DHRSX: variants seen among roughly 807,000 people sequenced by gnomAD.
The protein encoded by DHRSX is polyprenol dehydrogenase.
A neutral mutation model predicts 34.0 loss-of-function variants in DHRSX; 31 were observed. That is an observed-to-expected ratio of 0.91 (90% CI 0.69 to 1.23). The LOEUF is 1.23. DHRSX is among the 50% of genes most tolerant of loss of function. The pLI, the probability that DHRSX is intolerant of heterozygous loss-of-function variation, is 0.00. For missense variants in DHRSX, 414 were observed against 428.1 expected, an observed-to-expected ratio of 0.97 and a Z score of 0.29; for synonymous variants, 201 against 183.8, an observed-to-expected ratio of 1.09 and a Z score of -0.76.
intron 1 of DHRSX, among the ~76,000 whole-genome samples, chrX:2,493,911 G>A (rs2045220495): frequency 6.6e-6 from 1 of 152,156 alleles, no homozygotes; most frequent in Non-Finnish European, 1.5e-5. Flanking sequence ...AGCAGAGGTT[G>A]CAGTGAGCCG....
At chrX:2,307,802 A>C (rs2042117908) in intron 3 of DHRSX, among the ~76,000 whole-genome samples, 1 of 144,384 alleles carries the variant, frequency 6.9e-6, no homozygotes. Flanking sequence ...AAAAAATAAA[A>C]TAAAAAACAA....
At chrX:2,333,635 G>A (rs1161069188) in intron 3 of DHRSX, among the ~76,000 whole-genome samples, 4 of 151,942 alleles carry the variant, frequency 2.6e-5, no homozygotes, top group Admixed American at 6.6e-5. Flanking sequence ...GGCTGGTCTC[G>A]AACTCCTGAC....
chrX:2,245,672 C>G (rs191299303), intron 5 of DHRSX, among the ~76,000 whole-genome samples: 4 of 149,390 alleles, frequency 2.7e-5, no homozygotes, highest in African/African-American at 9.8e-5. Context: ...TAAAACCAAG[C>G]TATGGCCAGA....
At chrX:2,490,900 G>A in intron 1 of DHRSX, 1 of 788,016 alleles carries the variant, frequency 1.3e-6, no homozygotes, top group Non-Finnish European at 2.0e-6. Context: ...CCGGACGGCT[G>A]GACCTTCCTT....
intron 3 of DHRSX, among the ~76,000 whole-genome samples, chrX:2,298,939 C>T (rs994315666): frequency 2.2e-5 from 3 of 136,892 alleles, no homozygotes; most frequent in Non-Finnish European, 4.5e-5. Context: ...GAGCCGAGCT[C>T]GTGCCATTGC....
intron 5 of DHRSX, among the ~76,000 whole-genome samples, chrX:2,248,917 TG>T (rs1281736280): frequency 2.0e-5 from 3 of 152,230 alleles, no homozygotes; most frequent in African/African-American, 7.2e-5. Flanking sequence ...CCTGCATCTT[TG>T]GGTCTTCCCT....
At chrX:2,243,799 T>TTTTGTTTTG (rs1569478877) in intron 5 of DHRSX, among the ~76,000 whole-genome samples, 26 of 23,326 alleles carry the variant, frequency 1.1e-3, no homozygotes, top group African/African-American at 1.7e-3. Context: ...TTTTTTTTTT[T>TTTTGTTTTG]TTTTTTTTTT....
At chrX:2,254,641 GT>G (rs940091948) in intron 5 of DHRSX, among the ~76,000 whole-genome samples, 5 of 151,680 alleles carry the variant, frequency 3.3e-5, no homozygotes, top group Non-Finnish European at 7.4e-5. Context: ...ATAAAGAGAG[GT>G]TTTTTTTGTT....
rs372738137 is a variant in DHRSX, at chrX:2,236,715, A to T, written c.804+6308T>A. On this transcript the variant is annotated intron_variant, in intron 6 of 6. Transcript: ENST00000334651. ...CCAAAGTGCTGGGATGACAGGTGTG[A>T]GCCACTGCGCCCGGCCACCTGGAGC... Among the ~76,000 whole-genome samples the T allele has an allele frequency of 3.5e-3, 540 of 152,162 alleles. 3 individuals are homozygous for T. The highest frequency in any genetic ancestry group is 0.013 in the African/African-American group (521 of 41,542).
intron 3 of DHRSX, among the ~76,000 whole-genome samples, chrX:2,387,906 A>G (rs112698194): frequency 7.0e-6 from 1 of 143,210 alleles, no homozygotes; most frequent in South Asian, 2.4e-4. Flanking sequence ...CTCCCCTGCA[A>G]AAAAAAAAAA....
At chrX:2,341,389 A>G (rs1212360103) in intron 3 of DHRSX, among the ~76,000 whole-genome samples, 1 of 152,060 alleles carries the variant, frequency 6.6e-6, no homozygotes, top group Non-Finnish European at 1.5e-5. Flanking sequence ...TCTAGGGAAG[A>G]ATTCTTCCTG....
intron 3 of DHRSX, among the ~76,000 whole-genome samples, chrX:2,309,548 A>T (rs919684979): frequency 6.6e-6 from 1 of 152,218 alleles, no homozygotes; most frequent in African/African-American, 2.4e-5. Context: ...AATAAATGTG[A>T]TAAGTGTGTC....
At chrX:2,241,021 T>G in intron 6 of DHRSX, among the ~76,000 whole-genome samples, 1 of 152,060 alleles carries the variant, frequency 6.6e-6, no homozygotes, top group African/African-American at 2.4e-5. Flanking sequence ...CTGTCTTTAC[T>G]AAAAATACAA....
chrX:2,250,417 G>GA (rs1310809395), intron 5 of DHRSX, among the ~76,000 whole-genome samples: 1 of 152,108 alleles, frequency 6.6e-6, no homozygotes, highest in African/African-American at 2.4e-5. Flanking sequence ...AGCATCCCGA[G>GA]AGCTGCTGGT....
intron 5 of DHRSX, among the ~76,000 whole-genome samples, chrX:2,246,748 G>GAAAGAAAGAAAGAAAGAAAGAAAGAA (rs776138629): frequency 9.6e-5 from 10 of 103,870 alleles, no homozygotes; most frequent in Middle Eastern, 9.9e-3. Context: ...AAGAAAGAAA[G>GAAAGAAAGAAAGAAAGAAAGAAAGAA]AAAAAGAAAG....
chrX:2,450,336 T>G (rs1162147065), intron 1 of DHRSX, among the ~76,000 whole-genome samples: 2 of 152,018 alleles, frequency 1.3e-5, no homozygotes, highest in Non-Finnish European at 2.9e-5. Context: ...TATATAAAAT[T>G]TAGTAATCCA....
rs1422673728 is a variant in DHRSX at position 2,282,829 on chromosome X, AGAGG to A, written c.388+8669_388+8672del. ...AAGAGAGAAAGAGAGAGAGGGAGAG[AGAGG>A]GAGAAAGGGAGAGAGAGAAGGGAGA... On this transcript the variant is annotated intron_variant, in intron 4 of 6. Coordinates refer to ENST00000334651, the MANE Select transcript of DHRSX (RefSeq NM_145177.3). Among the ~76,000 whole-genome samples, 4 of 93,132 alleles carry A rather than the reference AGAGG, an allele frequency of 4.3e-5. No individual in the cohort carries two copies. In the South Asian group the frequency reaches 1.7e-3, roughly 40 times the overall value. 61.1% of individuals were successfully genotyped at this position (93,132 alleles called of 152,430 possible). A position where few individuals can be genotyped will look rare whatever the true frequency, so the allele number is the denominator to read the frequency against.
intron 5 of DHRSX, among the ~76,000 whole-genome samples, chrX:2,245,141 C>T (rs2016247375): frequency 6.6e-6 from 1 of 152,138 alleles, no homozygotes; most frequent in South Asian, 2.1e-4. Context: ...AACCTGCCTC[C>T]CACTCTGTTC....
intron 3 of DHRSX, among the ~76,000 whole-genome samples, chrX:2,319,662 A>G (rs2042284097): frequency 6.6e-6 from 1 of 151,848 alleles, no homozygotes; most frequent in African/African-American, 2.4e-5. Flanking sequence ...TTTATAATAT[A>G]CATAACATAC....
Sources: gnomAD v4.1 joint callset for allele counts (sites outside exome capture counted in the v4.1 genomes callset) on GRCh38, gnomAD v4.1.1 for gene constraint, MANE v1.5 for transcripts, NCBI Gene and HGNC (gene_info 2026-07-23, HGNC 2026-07-21) for gene names.